The following TSPAN11 variants were observed in gnomAD, a reference collection of about 807,000 sequenced individuals.
TSPAN11 encodes the protein tetraspanin-11.
TSPAN11 carries 29 observed loss-of-function variants against 32.9 expected under a neutral mutation model. That is an observed-to-expected ratio of 0.88 (90% CI 0.66 to 1.20). The LOEUF is 1.20. TSPAN11 is among the 50% of genes most tolerant of loss of function. The probability of loss-of-function intolerance (pLI) is 0.00; values close to 1 mark genes in which losing one functional copy is unlikely to be tolerated. For missense variants in TSPAN11, 283 were observed against 329.1 expected (o/e 0.86, Z 1.08); for synonymous variants, 140 against 141.3 (o/e 0.99, Z 0.07).
At chr12:30,941,882 T>G (rs538166098) in intron 1 of TSPAN11, among the ~76,000 whole-genome samples, 34 of 152,392 alleles carry the variant, frequency 2.2e-4, no homozygotes, top group African/African-American at 7.7e-4. Context: ...CTTCTCTCAC[T>G]CTACGGCACT....
At chr12:30,980,721 G>A (rs141149007) in intron 5 of TSPAN11, among the ~76,000 whole-genome samples, 12 of 152,170 alleles carry the variant, frequency 7.9e-5, no homozygotes, top group East Asian at 1.9e-4. Flanking sequence ...TCAGGGAGTC[G>A]TCTCTTCTCT....
chr12:30,927,589 G>T (rs1369145083), intron 1 of TSPAN11, among the ~76,000 whole-genome samples: 1 of 152,086 alleles, frequency 6.6e-6, no homozygotes, highest in Non-Finnish European at 1.5e-5. Flanking sequence ...TGAGCGTGGG[G>T]GTGGGGGGTG....
At chr12:30,978,216 T>C (rs138433533) in intron 3 of TSPAN11, 86 of 254,716 alleles carry the variant, frequency 3.4e-4, no homozygotes, top group African/African-American at 1.8e-3. Context: ...ACCCTGTAGT[T>C]GCATTTGTAA....
intron 3 of TSPAN11, among the ~76,000 whole-genome samples, chr12:30,969,022 A>T (rs1176212334): frequency 2.0e-5 from 3 of 152,190 alleles, no homozygotes; most frequent in Non-Finnish European, 4.4e-5. Context: ...AGGTCCTGGG[A>T]AGCAAGTCAC....
intron 1 of TSPAN11, among the ~76,000 whole-genome samples, chr12:30,927,572 TGTGAG>T (rs1937827503): frequency 6.7e-6 from 1 of 149,304 alleles, no homozygotes; most frequent in Non-Finnish European, 1.5e-5. Flanking sequence ...TGGCAAGTAT[TGTGAG>T]GTGAGCGTGG....
At chr12:31,016,345 C>T in the TSPAN11 span, among the ~76,000 whole-genome samples, 1 of 152,140 alleles carries the variant, frequency 6.6e-6, no homozygotes, top group Admixed American at 6.5e-5. Flanking sequence ...AGCTGCACAG[C>T]AGTGTGATGT....
chr12:30,929,607 C>T (rs1937875795), intron 1 of TSPAN11, among the ~76,000 whole-genome samples: 1 of 152,152 alleles, frequency 6.6e-6, no homozygotes, highest in Non-Finnish European at 1.5e-5. Context: ...CCCAGGCATA[C>T]TTGCCCAGAT....
At chr12:30,983,007 G>C in intron 6 of TSPAN11, 57 bp from the exon 7 acceptor site, 1 of 1,556,448 alleles carries the variant, frequency 6.4e-7, no homozygotes, top group Admixed American at 1.8e-5. Flanking sequence ...CCCGCCCTCC[G>C]TCCCCACCCA....
chr12:30,955,761 C>T (rs1480230525), intron 2 of TSPAN11, among the ~76,000 whole-genome samples: 2 of 152,182 alleles, frequency 1.3e-5, no homozygotes, highest in African/African-American at 2.4e-5. Flanking sequence ...AGGCCTCTGT[C>T]ATCACACACT....
intron 2 of TSPAN11, among the ~76,000 whole-genome samples, chr12:30,960,120 C>G (rs1938582408): frequency 6.4e-5 from 1 of 15,532 alleles, no homozygotes; most frequent in Non-Finnish European, 1.3e-4. Context: ...CCTGTGGTGT[C>G]TGTGGGTGGG....
intron 3 of TSPAN11, among the ~76,000 whole-genome samples, chr12:30,969,714 A>T (rs1938810392): frequency 6.6e-6 from 1 of 152,086 alleles, no homozygotes; most frequent in African/African-American, 2.4e-5. Context: ...GATGTTCCAT[A>T]TTGCATTGAT....
At chr12:30,963,702 C>T (rs895537315) in intron 2 of TSPAN11, 124 bp from the exon 3 acceptor site, 15 of 1,047,194 alleles carry the variant, frequency 1.4e-5, no homozygotes, top group South Asian at 5.2e-5. Context: ...ATACCATTCT[C>T]GCCTCCTTTG....
At chr12:31,014,310 T>G in the TSPAN11 span, among the ~76,000 whole-genome samples, 3 of 152,256 alleles carry the variant, frequency 2.0e-5, no homozygotes, top group East Asian at 5.8e-4. Flanking sequence ...TTCCTTATGC[T>G]ACAATGGTAC....
intron 1 of TSPAN11, among the ~76,000 whole-genome samples, chr12:30,932,049 T>C (rs548346442): frequency 7.3e-5 from 11 of 150,990 alleles, no homozygotes; most frequent in Non-Finnish European, 1.3e-4. Flanking sequence ...TCACCGAGAC[T>C]GTGCCTCAGG....
intron 1 of TSPAN11, 38 bp from the exon 2 acceptor site, chr12:30,953,943 G>A (rs758016810): frequency 3.1e-5 from 46 of 1,506,398 alleles, no homozygotes; most frequent in East Asian, 2.5e-4. Context: ...GGTGGTTCTC[G>A]GTGATTCCCC....
chr12:30,936,279 A>G (rs1290542404), intron 1 of TSPAN11, among the ~76,000 whole-genome samples: 1 of 152,194 alleles, frequency 6.6e-6, no homozygotes, highest in Non-Finnish European at 1.5e-5. Flanking sequence ...ACGTTGTGCT[A>G]CAGTGATATT....
In TSPAN11 at chr12:30,965,132, C is replaced by T. The variant is rs151079723; in HGVS notation, c.276+1115C>T. Among the ~76,000 whole-genome samples the T allele has an allele frequency of 9.2e-3, 1,395 of 152,348 alleles. 10 individuals carry two copies. Among genetic ancestry groups the T allele is most frequent in the South Asian group, 0.034 (165 of 4,832 alleles). On this transcript the variant is annotated intron_variant, in intron 3 of 7. Coordinates refer to ENST00000546076, the MANE Select transcript of TSPAN11 (RefSeq NM_001370302.1). ...ATAAAACCAGGCATGTAGCGCAGCC[C>T]GGGGATGTTCCCTCTGTGTGGCACT...
chr12:30,954,417 TG>T (rs1212910619), intron 2 of TSPAN11: 68 of 264,278 alleles, frequency 2.6e-4, no homozygotes, highest in African/African-American at 1.5e-3. Context: ...AAAATGTGAC[TG>T]CCTGAAATAA....
chr12:30,983,747 C>T (rs1200698730), intron 7 of TSPAN11, among the ~76,000 whole-genome samples: 2 of 151,966 alleles, frequency 1.3e-5, no homozygotes, highest in Non-Finnish European at 2.9e-5. Flanking sequence ...CTGGGTAATG[C>T]GATATATCGA....
Sources: allele counts gnomAD v4.1 joint callset (sites outside exome capture counted in the v4.1 genomes callset), GRCh38; gene constraint gnomAD v4.1.1; transcripts MANE v1.5; gene names NCBI Gene and HGNC (gene_info 2026-07-23, HGNC 2026-07-21).